The following GIPR variants were observed in gnomAD, a reference collection of about 807,000 sequenced individuals.
The protein encoded by GIPR is gastric inhibitory polypeptide receptor.
In GIPR, 74 loss-of-function variants were observed where a neutral mutation model predicts 62.2. The ratio of observed to expected loss-of-function variants is 1.19; its 90% CI spans 0.99 to 1.44. The LOEUF is 1.44. Among genes scored for constraint, GIPR ranks in the 40% most tolerant of loss-of-function variants. The pLI is 0.00. For synonymous variants in GIPR, 256 were observed against 262.2 expected (o/e 0.98, Z 0.23); for missense variants, 664 against 611.8 (o/e 1.09, Z -0.90).
chr19:45,681,208 A>G (rs1967204211), intron 12 of GIPR, among the ~76,000 whole-genome samples: 1 of 152,094 alleles, frequency 6.6e-6, no homozygotes, highest in African/African-American at 2.4e-5. Flanking sequence ...GAGAACAGTT[A>G]CAAAGGCTAG....
intron 7 of GIPR, among the ~76,000 whole-genome samples, chr19:45,676,204 A>T (rs1228457993): frequency 1.9e-3 from 103 of 53,584 alleles, no homozygotes; most frequent in African/African-American, 6.5e-3. Context: ...CTCCGTCTAA[A>T]AAAAAAAAAA....
rs148625668 is a variant in GIPR at position 45,674,814 on chromosome 19, G to A, written c.621G>A (p.Ala207=). 4.0e-5 allele frequency: 64 copies of A among 1,613,820 alleles called. No homozygotes were observed. In the African/African-American group the frequency reaches 4.0e-4, roughly 10 times the overall value. The change falls in exon 7 of 14, where the codon GCG becomes GCA. Residue 207 remains alanine (A), a synonymous_variant. Transcript: ENST00000590918. The stretch of plus-strand genomic sequence containing the variant: ...CCTACCTTGGGGACCAGGCCCTTGC[G>A]CTGTGGAACCAGGTGGGCATCCTCC... ...PGPYLGDQAL[A]LWNQALAACR...
At chr19:45,676,847 T>C (rs1013157077) in intron 7 of GIPR, 102 bp from the exon 8 acceptor site, 1 of 1,049,964 alleles carries the variant, frequency 9.5e-7, no homozygotes, top group African/African-American at 1.6e-5. Flanking sequence ...GGAAGAACCT[T>C]TGATGGCAAG....
intron 2 of GIPR, among the ~76,000 whole-genome samples, 197 bp downstream of exon 2, chr19:45,669,789 A>C (rs1458454903): frequency 6.6e-6 from 1 of 151,878 alleles, no homozygotes; most frequent in Non-Finnish European, 1.5e-5. Context: ...CTACTAAAAA[A>C]AATACAAAAA....
rs1243767458 is a variant in GIPR, at chr19:45,681,660, GGCC to G, written c.1194+22_1194+24del. 4.3e-6 allele frequency: 7 copies of G among 1,613,270 alleles called. No individual in the cohort carries two copies. Among genetic ancestry groups the G allele is most frequent in the Non-Finnish European group, 5.1e-6 (6 of 1,179,644 alleles). On this transcript the variant is annotated intron_variant, in intron 13 of 13. Coordinates refer to ENST00000590918, the MANE Select transcript of GIPR (RefSeq NM_000164.4). The stretch of plus-strand genomic sequence containing the variant: ...TCAACAAGGAGGTAGGCAGAGACCC[GGCC>G]GCCGCCCCCGCCCTCTGGCGGCAGC...
intron 7 of GIPR, among the ~76,000 whole-genome samples, chr19:45,676,502 C>A (rs1002804291): frequency 2.7e-4 from 34 of 126,532 alleles, no homozygotes; most frequent in African/African-American, 9.8e-4. Flanking sequence ...GGTGCAATCT[C>A]GGCTCACCGC....
At chr19:45,672,150 C>A (rs1337349299) in intron 4 of GIPR, among the ~76,000 whole-genome samples, 1 of 151,634 alleles carries the variant, frequency 6.6e-6, no homozygotes, top group African/African-American at 2.4e-5. Flanking sequence ...ATAGCAGGGA[C>A]TACAGGCGCA....
At chr19:45,671,193 A>C in intron 3 of GIPR, 92 bp from the exon 4 acceptor site, 1 of 794,738 alleles carries the variant, frequency 1.3e-6, no homozygotes, top group Non-Finnish European at 2.2e-6. Context: ...CACTTGGCCC[A>C]CTGCGGAGAA....
chr19:45,676,265 AG>A (rs1330336352), intron 7 of GIPR, among the ~76,000 whole-genome samples: 1 of 150,760 alleles, frequency 6.6e-6, no homozygotes, highest in East Asian at 1.9e-4. Flanking sequence ...GGGTACTGGC[AG>A]GGAGTTCAGT....
chr19:45,674,981 C>T, intron 7 of GIPR, 155 bp downstream of exon 7: 1 of 708,904 alleles, frequency 1.4e-6, no homozygotes, highest in Non-Finnish European at 2.5e-6. Context: ...GGGATCAAGA[C>T]ACATTTGGAG....
chr19:45,677,610 TG>T lies in GIPR; in HGVS notation c.855-98del, dbSNP rs1967017752. The T allele has an allele frequency of 6.3e-6, 6 of 957,044 alleles. No individual in the cohort carries two copies. The Admixed American group carries it at 8.5e-5, about 13-fold the overall frequency. 59.3% of individuals were successfully genotyped at this position (957,044 alleles called of 1,614,324 possible). A position where few individuals can be genotyped will look rare whatever the true frequency, so the allele number is the denominator to read the frequency against. ...TGGGCGGGACCTTAGAGAATGTGTG[TG>T]GTCTCAAGTGCGGTGGGCGGGGCCT... is the stretch of plus-strand genomic sequence containing the variant. On this transcript the variant is annotated intron_variant, in intron 9 of 13. Transcript: ENST00000590918.
At chr19:45,669,964 G>A (rs1975451823) in intron 2 of GIPR, among the ~76,000 whole-genome samples, 2 of 151,598 alleles carry the variant, frequency 1.3e-5, no homozygotes, top group South Asian at 2.1e-4. Flanking sequence ...GGGGGGGGGA[G>A]GCTTCCCTCA....
In GIPR at chr19:45,674,747, C is replaced by G; in HGVS notation, c.554C>G (p.Ala185Gly). ...NLFTSFMLRA[A>G]AILSRDRLLP... is the part of the protein sequence containing the mutation. The stretch of plus-strand genomic sequence containing the variant: ...TTCACGTCTTTCATGCTGCGAGCTG[C>G]GGCCATTCTCAGCCGAGACCGTCTG... Residue 185 changes from alanine to glycine, a missense_variant, in exon 7 of 14, where the codon GCG (alanine) becomes GGG (glycine). Transcript: ENST00000590918. 1 of 1,613,852 alleles carries G rather than the reference C, an allele frequency of 6.2e-7. No homozygotes were observed. The highest frequency in any genetic ancestry group is 1.1e-5 in the South Asian group (1 of 91,062).
intron 4 of GIPR, 124 bp from the exon 5 acceptor site, chr19:45,672,727 C>T: frequency 4.2e-6 from 3 of 707,274 alleles, no homozygotes; most frequent in Middle Eastern, 4.7e-4. Context: ...TTATCATCAT[C>T]ATCATCATCA....
chr19:45,672,771 CTG>C (rs1292406210), intron 4 of GIPR, 78 bp from the exon 5 acceptor site: 9 of 825,850 alleles, frequency 1.1e-5, no homozygotes, highest in Admixed American at 1.9e-5. Context: ...CTCTCCCTCT[CTG>C]TTATTGTCTC....
intron 12 of GIPR, among the ~76,000 whole-genome samples, chr19:45,681,049 C>A (rs942009656): frequency 6.6e-6 from 1 of 152,102 alleles, no homozygotes; most frequent in Admixed American, 6.6e-5. Context: ...TAACCCCCAG[C>A]CAGCAGTGCT....
intron 12 of GIPR, among the ~76,000 whole-genome samples, chr19:45,680,588 G>C (rs1393296372): frequency 1.3e-5 from 2 of 151,738 alleles, no homozygotes; most frequent in Non-Finnish European, 2.9e-5. Context: ...CTAGCACTTT[G>C]GGAGGCTGAG....
At chr19:45,669,934 G>C (rs530044695) in intron 2 of GIPR, among the ~76,000 whole-genome samples, 7 of 149,092 alleles carry the variant, frequency 4.7e-5, no homozygotes, top group Non-Finnish European at 7.4e-5. Context: ...GGGTGACAGA[G>C]TGAGACTCTG....
chr19:45,681,497 T>TC, intron 12 of GIPR, 107 bp from the exon 13 acceptor site: 1 of 906,978 alleles, frequency 1.1e-6, no homozygotes, highest in Non-Finnish European at 1.7e-6. Context: ...TTCCGACTCT[T>TC]AAAAACAAAC....
Sources: gnomAD v4.1 joint callset for allele counts (sites outside exome capture counted in the v4.1 genomes callset) on GRCh38, gnomAD v4.1.1 for gene constraint, MANE v1.5 for transcripts, NCBI Gene and HGNC (gene_info 2026-07-23, HGNC 2026-07-21) for gene names.